Variants in BRINP3 observed in about 807,000 individuals in gnomAD.
BRINP3 encodes BMP/retinoic acid-inducible neural-specific protein 3.
A neutral mutation model predicts 71.0 loss-of-function variants in BRINP3; 19 were observed. That is an observed-to-expected ratio of 0.27 (90% CI 0.19 to 0.39). The LOEUF is 0.39. Ranked by LOEUF, BRINP3 falls within the 10% of genes least tolerant of loss-of-function variation. The pLI is 1.00. For missense variants in BRINP3, 959 were observed against 940.8 expected (o/e 1.02, Z -0.25); for synonymous variants, 380 against 337.7 (o/e 1.13, Z -1.37).
At chr1:190,320,378 G>A (rs923231554) in intron 2 of BRINP3, among the ~76,000 whole-genome samples, 2 of 152,008 alleles carry the variant, frequency 1.3e-5, no homozygotes, top group Non-Finnish European at 2.9e-5. Context: ...AACATTGTTA[G>A]GAGACCCTCC....
intron 7 of BRINP3, among the ~76,000 whole-genome samples, chr1:190,105,157 G>A (rs1652042833): frequency 6.6e-6 from 1 of 151,942 alleles, no homozygotes; most frequent in African/African-American, 2.4e-5. Flanking sequence ...CTCAGTTTTG[G>A]CAGCGTTGCC....
At chr1:190,172,273 T>A (rs1226918012) in intron 6 of BRINP3, among the ~76,000 whole-genome samples, 1 of 151,272 alleles carries the variant, frequency 6.6e-6, no homozygotes, top group Admixed American at 6.6e-5. Flanking sequence ...TTCCCTCAAA[T>A]ATTTAAATAT....
At chr1:190,213,369 C>T (rs904567153) in intron 6 of BRINP3, among the ~76,000 whole-genome samples, 6 of 152,038 alleles carry the variant, frequency 3.9e-5, no homozygotes, top group Non-Finnish European at 8.8e-5. Flanking sequence ...TCAGTGTCCT[C>T]ATCCAAAGAT....
chr1:190,229,278 G>C (rs1318957725), intron 5 of BRINP3, among the ~76,000 whole-genome samples: 2 of 151,934 alleles, frequency 1.3e-5, no homozygotes, highest in African/African-American at 4.8e-5. Flanking sequence ...TCTCATGATA[G>C]TGAATAAGTC....
intron 2 of BRINP3, among the ~76,000 whole-genome samples, chr1:190,331,492 T>C (rs1480173293): frequency 6.6e-6 from 1 of 152,022 alleles, no homozygotes; most frequent in Non-Finnish European, 1.5e-5. Context: ...GTCTGTTAAA[T>C]GCTTTTAAAA....
chr1:190,380,821 C>A (rs1353907980), intron 2 of BRINP3, among the ~76,000 whole-genome samples: 1 of 152,012 alleles, frequency 6.6e-6, no homozygotes, highest in Non-Finnish European at 1.5e-5. Context: ...AAAAAAAACA[C>A]AATTTGTTCG....
chr1:190,345,751 G>T (rs1667981838), intron 2 of BRINP3, among the ~76,000 whole-genome samples: 1 of 146,894 alleles, frequency 6.8e-6, no homozygotes. Flanking sequence ...GTTAAAATAG[G>T]TGGAACTCCT....
chr1:190,421,500 C>A (rs1302307780), intron 2 of BRINP3, among the ~76,000 whole-genome samples: 1 of 151,328 alleles, frequency 6.6e-6, no homozygotes, highest in African/African-American at 2.4e-5. Flanking sequence ...CTATATATAA[C>A]TATGACCATA....
intron 3 of BRINP3, 57 bp downstream of exon 3, chr1:190,281,503 T>A: frequency 6.7e-7 from 1 of 1,502,796 alleles, no homozygotes; most frequent in East Asian, 2.3e-5. Flanking sequence ...TTTTCTGCGA[T>A]TTATACGGTT....
At chr1:190,467,853 G>A (rs1432090844) in intron 1 of BRINP3, among the ~76,000 whole-genome samples, 1 of 151,358 alleles carries the variant, frequency 6.6e-6, no homozygotes, top group Non-Finnish European at 1.5e-5. Flanking sequence ...AGAGATTTTT[G>A]ATAACAGTCT....
chr1:190,223,769 G>GA (rs1359302372), intron 6 of BRINP3, among the ~76,000 whole-genome samples: 1 of 151,624 alleles, frequency 6.6e-6, no homozygotes, highest in Non-Finnish European at 1.5e-5. Flanking sequence ...TTCATACCTA[G>GA]AAAAAACCTC....
At chr1:190,103,915 T>A (rs1651917040) in intron 7 of BRINP3, among the ~76,000 whole-genome samples, 3 of 151,926 alleles carry the variant, frequency 2.0e-5, no homozygotes, top group Non-Finnish European at 4.4e-5. Flanking sequence ...TCACTTTTTT[T>A]TTTTTTAATT....
chr1:190,132,913 A>C (rs919967348), intron 7 of BRINP3, among the ~76,000 whole-genome samples: 1 of 152,054 alleles, frequency 6.6e-6, no homozygotes, highest in African/African-American at 2.4e-5. Context: ...TCATAAGGAC[A>C]CTCAAAAAGC....
intron 2 of BRINP3, among the ~76,000 whole-genome samples, chr1:190,404,837 C>G (rs1672156612): frequency 6.6e-6 from 1 of 152,134 alleles, no homozygotes; most frequent in South Asian, 2.1e-4. Context: ...TCTCTCTGAA[C>G]AGCAGTGATT....
At chr1:190,210,221 T>C (rs1045598805) in intron 6 of BRINP3, among the ~76,000 whole-genome samples, 2 of 152,108 alleles carry the variant, frequency 1.3e-5, no homozygotes, top group African/African-American at 4.8e-5. Flanking sequence ...GTATACACAA[T>C]TTAGTGAAGT....
intron 2 of BRINP3, among the ~76,000 whole-genome samples, chr1:190,344,964 A>G (rs924653991): frequency 6.6e-6 from 1 of 151,944 alleles, no homozygotes; most frequent in Non-Finnish European, 1.5e-5. Context: ...ATTGGCTTTA[A>G]TATAATTGTA....
intron 2 of BRINP3, among the ~76,000 whole-genome samples, chr1:190,349,934 C>CT (rs1668265534): frequency 6.6e-6 from 1 of 151,962 alleles, no homozygotes; most frequent in Non-Finnish European, 1.5e-5. Context: ...CGAGAAAATG[C>CT]TTTTTTAGTA....
rs150562276 is a variant in BRINP3, at chr1:190,162,983, A to T, written c.962-2093T>A. Among the ~76,000 whole-genome samples, 65 of 152,178 alleles carry T rather than the reference A, an allele frequency of 4.3e-4. 2 individuals are homozygous for T. In the East Asian group the frequency reaches 0.011, roughly 26 times the overall value. Reference sequence around the variant, plus strand: ...TATGAATAAACCTGTCTTTTTATTTAAAAAAATGACTAATGATGTGCAATA... The same window carrying T: ...TATGAATAAACCTGTCTTTTTATTTTAAAAAATGACTAATGATGTGCAATA... On this transcript the variant is annotated intron_variant, in intron 6 of 7. Coordinates refer to ENST00000367462, the MANE Select transcript of BRINP3 (RefSeq NM_199051.3).
intron 2 of BRINP3, among the ~76,000 whole-genome samples, chr1:190,374,213 G>A (rs1164943127): frequency 6.6e-6 from 1 of 151,966 alleles, no homozygotes; most frequent in Non-Finnish European, 1.5e-5. Context: ...CTCTATTTGT[G>A]AAGTTTATAG....
Sources: gnomAD v4.1 joint callset for allele counts (sites outside exome capture counted in the v4.1 genomes callset) on GRCh38, gnomAD v4.1.1 for gene constraint, MANE v1.5 for transcripts, NCBI Gene and HGNC (gene_info 2026-07-23, HGNC 2026-07-21) for gene names.